IL18BP: variants seen among roughly 807,000 people sequenced by gnomAD.
The protein encoded by IL18BP is interleukin-18-binding protein.
Under a neutral mutation model 19.9 loss-of-function variants are expected in IL18BP, and 23 were observed. The observed-to-expected ratio is 1.15, with a 90% CI of 0.83 to 1.64. IL18BP has a LOEUF of 1.64. Among genes scored for constraint, IL18BP ranks in the 40% most tolerant of loss-of-function variants. IL18BP has a pLI of 0.00. For missense variants in IL18BP, 239 were observed against 240.7 expected (o/e 0.99, Z 0.05); for synonymous variants, 107 against 101.0 (o/e 1.06, Z -0.35).
downstream of IL18BP, chr11:72,008,012 C>T (rs1040543714): frequency 2.3e-6 from 1 of 437,764 alleles, no homozygotes; most frequent in Non-Finnish European, 4.5e-6. Context: ...AACCCCAGCT[C>T]TACCACTGGG....
chr11:71,999,914 C>G lies in IL18BP; in HGVS notation c.-58-13C>G, dbSNP rs181360028. 23 of 1,534,894 alleles carry G rather than the reference C, an allele frequency of 1.5e-5. No individual in the cohort carries two copies. Among genetic ancestry groups the G allele is most frequent in the South Asian group, 3.4e-5 (3 of 87,600 alleles). On this transcript the variant is annotated splice_polypyrimidine_tract_variant and intron_variant, in intron 1 of 5. Coordinates refer to ENST00000393703, the MANE Select transcript of IL18BP (RefSeq NM_001039660.2). ...GGAGTGGTTTACCATTCTCCTCCCC[C>G]ACCTTTCACCAGAGAAGAGGACGTT...
chr11:72,000,486 C>A lies in IL18BP; in HGVS notation c.164C>A (p.Pro55His), dbSNP rs752274508. ...ACAAAGGACCCCTGCCCCTCCCAGC[C>A]CCCAGTGTTCCCAGCAGCTAAGCAG... ...RSTKDPCPSQ[P>H]PVFPAAKQCP... is the part of the protein sequence containing the mutation. Residue 55 changes from proline to histidine, a missense_variant, in exon 3 of 6, where the codon CCC (proline) becomes CAC (histidine). Physicochemically the swap from Pro to His is moderately conservative, Grantham distance 77. Coordinates refer to ENST00000393703, the MANE Select transcript of IL18BP (RefSeq NM_001039660.2). The A allele has an allele frequency of 6.2e-7, 1 of 1,613,998 alleles. No individual in the cohort carries two copies. The highest frequency in any genetic ancestry group is 8.5e-7 in the Non-Finnish European group (1 of 1,180,018).
At chr11:72,001,596 G>T in intron 5 of IL18BP, 44 bp downstream of exon 5, 1 of 1,596,126 alleles carries the variant, frequency 6.3e-7, no homozygotes, top group Non-Finnish European at 8.5e-7. Context: ...GAGGAGCTCT[G>T]CTTCCATATG....
chr11:72,006,214 G>T (rs144484956), downstream of IL18BP: 961 of 1,614,160 alleles, frequency 6.0e-4, 14 homozygotes, highest in South Asian at 8.4e-3. Flanking sequence ...AGCAGACCGC[G>T]TGCTGTAGAA....
At chr11:72,001,682 A>G in intron 5 of IL18BP, 102 bp from the exon 6 acceptor site, 2 of 1,611,366 alleles carry the variant, frequency 1.2e-6, no homozygotes, top group African/African-American at 1.3e-5. Context: ...AGCCAGACAA[A>G]AAGGAACTTA....
downstream of IL18BP, chr11:72,004,140 C>T (rs1955496785): frequency 1.9e-6 from 3 of 1,611,276 alleles, no homozygotes; most frequent in Non-Finnish European, 2.5e-6. Context: ...CCAATGCTGC[C>T]TTCCCAGGCC....
downstream of IL18BP, chr11:72,006,332 C>T (rs1203780326): frequency 8.0e-6 from 11 of 1,368,562 alleles, no homozygotes; most frequent in East Asian, 2.6e-4. Flanking sequence ...CCATTCCCTT[C>T]CGAAGCCCTC....
intron 1 of IL18BP, 157 bp from the exon 2 acceptor site, chr11:71,999,770 T>G: frequency 1.7e-6 from 1 of 580,466 alleles, no homozygotes; most frequent in Non-Finnish European, 3.1e-6. Context: ...AGAGCTGGGG[T>G]GGGGAAGGAT....
intron 1 of IL18BP, 146 bp downstream of exon 1, chr11:71,999,165 G>T (rs762777209): frequency 1.5e-5 from 8 of 517,186 alleles, no homozygotes; most frequent in South Asian, 1.1e-4. Flanking sequence ...CCTGGGAAAG[G>T]CCAGGATGTG....
chr11:71,999,913 C>A lies in IL18BP; in HGVS notation c.-58-14C>A. ...GGGAGTGGTTTACCATTCTCCTCCC[C>A]CACCTTTCACCAGAGAAGAGGACGT... On this transcript the variant is annotated splice_polypyrimidine_tract_variant and intron_variant, in intron 1 of 5. Coordinates refer to ENST00000393703, the MANE Select transcript of IL18BP (RefSeq NM_001039660.2). 6.5e-7 allele frequency: 1 copy of A among 1,533,924 alleles called. No individual in the cohort carries two copies. Among genetic ancestry groups the A allele is most frequent in the Non-Finnish European group, 9.0e-7 (1 of 1,113,516 alleles).
At chr11:72,007,763 G>A (rs1249638331), downstream of IL18BP, 1 of 399,184 alleles carries the variant, frequency 2.5e-6, no homozygotes, top group Non-Finnish European at 4.6e-6. Flanking sequence ...TCCCATTTCA[G>A]TGAATAGGAA....
At chr11:72,007,535 G>A, downstream of IL18BP, 3 of 1,437,898 alleles carry the variant, frequency 2.1e-6, no homozygotes, top group Non-Finnish European at 2.8e-6. Context: ...ACTACAAGCA[G>A]ATGAGGTCAA....
In IL18BP at chr11:72,000,341, C is replaced by T. The variant is rs374716408; in HGVS notation, c.29-10C>T. ...CCAGAGCCGCTGACCTGTAACTGTC[C>T]TTTCCTCAGACCTCAGCCCTTTGTG... On this transcript the variant is annotated splice_polypyrimidine_tract_variant and intron_variant, in intron 2 of 5. Transcript: ENST00000393703. The T allele has an allele frequency of 6.2e-7, 1 of 1,612,702 alleles. No homozygotes were observed. Among genetic ancestry groups the T allele is most frequent in the Non-Finnish European group, 8.5e-7 (1 of 1,179,528 alleles).
At chr11:72,006,649 C>T (rs1176304265), downstream of IL18BP, among the ~76,000 whole-genome samples, 1 of 152,222 alleles carries the variant, frequency 6.6e-6, no homozygotes, top group Non-Finnish European at 1.5e-5. Flanking sequence ...GCTCATCCCA[C>T]AGCCTCTGCT....
Position 72,000,003 on chromosome 11 carries a change from T to C in IL18BP, c.19T>C (p.Trp7Arg), listed in dbSNP as rs373223475. The C allele has an allele frequency of 1.0e-4, 163 of 1,613,756 alleles. No individual in the cohort carries two copies. The highest frequency in any genetic ancestry group is 1.3e-4 in the Non-Finnish European group (157 of 1,179,818). Residue 7 changes from tryptophan (W) to arginine (R), a missense_variant, in exon 2 of 6, where the codon TGG becomes CGG. By Grantham distance (101) the Trp-to-Arg change is moderately radical. Transcript: ENST00000393703. ...ATGCATCATGACCATGAGACACAAC[T>C]GGACACCAGGTAGGCCTTGGGGCTA... is the stretch of plus-strand genomic sequence containing the variant. MTMRHN[W>R]TPDLSPLWVL... is the part of the protein sequence containing the mutation.
chr11:72,005,692 G>T, downstream of IL18BP: 1 of 492,362 alleles, frequency 2.0e-6, no homozygotes, highest in South Asian at 2.8e-5. Context: ...GGGCTCCCTG[G>T]TGCCCAAAGG....
Position 72,001,973 on chromosome 11 carries a change from A to C in IL18BP, c.*112A>C. ...TGTAGGCTGCGTGGATGCGCAACAC[A>C]CCCCCTCCTTCTCTGCTTTGGGTCC... On this transcript the variant is annotated 3_prime_UTR_variant, in exon 6 of 6. Transcript: ENST00000393703. 2.1e-6 allele frequency: 3 copies of C among 1,459,170 alleles called. No homozygotes were observed. In the African/African-American group the frequency reaches 4.2e-5, roughly 21 times the overall value. 90.4% of individuals were successfully genotyped at this position (1,459,170 alleles called of 1,614,324 possible).
rs746003344 is a variant in IL18BP at position 72,001,957 on chromosome 11, C to T, written c.*96C>T. The T allele has an allele frequency of 1.4e-4, 215 of 1,540,998 alleles. No homozygotes were observed. The highest frequency in any genetic ancestry group is 1.6e-4 in the Non-Finnish European group (187 of 1,134,086). On this transcript the variant is annotated 3_prime_UTR_variant, in exon 6 of 6. Coordinates refer to ENST00000393703, the MANE Select transcript of IL18BP (RefSeq NM_001039660.2). ...ACAGTCCCTGACTGCCTGTAGGCTGCGTGGATGCGCAACACACCCCCTCCT... is the reference window on the plus strand; with the variant it reads ...ACAGTCCCTGACTGCCTGTAGGCTGTGTGGATGCGCAACACACCCCCTCCT...
At chr11:72,007,680 C>G (rs1288286818), downstream of IL18BP, 11 of 556,352 alleles carry the variant, frequency 2.0e-5, no homozygotes, top group Admixed American at 3.3e-5. Flanking sequence ...CCCATCCCCA[C>G]CAGATGCCCA....
Sources: allele counts gnomAD v4.1 joint callset (sites outside exome capture counted in the v4.1 genomes callset), GRCh38; gene constraint gnomAD v4.1.1; transcripts MANE v1.5; gene names NCBI Gene and HGNC (gene_info 2026-07-23, HGNC 2026-07-21).